MED13L: variants seen among roughly 807,000 people sequenced by gnomAD.
The protein encoded by MED13L is mediator complex subunit 13L.
In MED13L, 7 loss-of-function variants were observed where a neutral mutation model predicts 220.9. The observed-to-expected ratio is 0.03, with a 90% CI of 0.02 to 0.06. The LOEUF (loss-of-function observed/expected upper bound fraction) is 0.06. Ranked by LOEUF, MED13L falls within the 10% of genes least tolerant of loss-of-function variation. The pLI is 1.00. For synonymous variants in MED13L, 1,011 were observed against 1,015.2 expected, an observed-to-expected ratio of 1.00 and a Z score of 0.08; for missense variants, 1,965 against 2,760.5, an observed-to-expected ratio of 0.71 and a Z score of 6.46.
At chr12:116,242,498 A>G (rs1870749394) in intron 1 of MED13L, among the ~76,000 whole-genome samples, 1 of 152,232 alleles carries the variant, frequency 6.6e-6, no homozygotes, top group South Asian at 2.1e-4. Flanking sequence ...ACAATCCTTA[A>G]TTAAATCTAA....
Position 116,219,018 on chromosome 12 carries a change from G to T in MED13L, c.310+18450C>A, listed in dbSNP as rs561891896. Among the ~76,000 whole-genome samples the T allele has an allele frequency of 8.1e-3, 1,240 of 152,274 alleles. 13 individuals are homozygous for T. Among genetic ancestry groups the T allele is most frequent in the Non-Finnish European group, 0.014 (941 of 68,026 alleles). On this transcript the variant is annotated intron_variant, in intron 2 of 30. Coordinates refer to ENST00000281928, the MANE Select transcript of MED13L (RefSeq NM_015335.5). Reference sequence around the variant, plus strand: ...CCCAAAGTGCTGGGATTACAGGTGTGAGCCACCACACCCAGCCTATACCGA... The same window carrying T: ...CCCAAAGTGCTGGGATTACAGGTGTTAGCCACCACACCCAGCCTATACCGA...
chr12:116,015,579 G>C (rs1466735594), intron 7 of MED13L, among the ~76,000 whole-genome samples: 1 of 152,152 alleles, frequency 6.6e-6, no homozygotes, highest in Non-Finnish European at 1.5e-5. Flanking sequence ...ACATGTATTG[G>C]AAACAACTTA....
In MED13L at chr12:115,964,264, GATA is replaced by G. The variant is rs1237970754; in HGVS notation, c.6388-748_6388-746del. On this transcript the variant is annotated intron_variant, in intron 29 of 30. Coordinates refer to ENST00000281928, the MANE Select transcript of MED13L (RefSeq NM_015335.5). ...CTTAATATTATCACCCCATCTGTAG[GATA>G]ATGAGGAAGATAATGCTCCATTATC... Among the ~76,000 whole-genome samples, 6 of 152,106 alleles carry G rather than the reference GATA, an allele frequency of 3.9e-5. No individual in the cohort carries two copies. In the South Asian group the frequency reaches 8.3e-4, roughly 21 times the overall value.
At chr12:116,097,158 T>A (rs1872697837) in intron 3 of MED13L, among the ~76,000 whole-genome samples, 1 of 152,054 alleles carries the variant, frequency 6.6e-6, no homozygotes, top group Admixed American at 6.5e-5. Context: ...CTTTCAAGTT[T>A]TTTTTTTTTG....
intron 14 of MED13L, among the ~76,000 whole-genome samples, chr12:115,999,395 A>G (rs181003193): frequency 3.6e-4 from 55 of 152,274 alleles, no homozygotes; most frequent in Non-Finnish European, 6.8e-4. Context: ...TGTCTCAAAA[A>G]AAAAAAAAGT....
chr12:116,276,939 C>T, intron 1 of MED13L, 121 bp downstream of exon 1: 2 of 1,134,770 alleles, frequency 1.8e-6, no homozygotes, highest in African/African-American at 1.6e-5. Flanking sequence ...AGGCGAACGG[C>T]GGGGAGACGC....
chr12:116,234,041 T>C (rs994781337), intron 2 of MED13L, among the ~76,000 whole-genome samples: 1 of 152,160 alleles, frequency 6.6e-6, no homozygotes, highest in Non-Finnish European at 1.5e-5. Context: ...TGCTTTGGTA[T>C]TACATCTCAC....
chr12:116,082,495 C>G (rs1042674924), intron 4 of MED13L: 1 of 152,114 alleles, frequency 6.6e-6, no homozygotes, highest in Admixed American at 6.5e-5. Context: ...CCTAGGCTGC[C>G]TCCGTTATTA....
intron 4 of MED13L, among the ~76,000 whole-genome samples, chr12:116,072,631 T>C (rs1478294323): frequency 6.6e-6 from 1 of 152,168 alleles, no homozygotes; most frequent in Non-Finnish European, 1.5e-5. Flanking sequence ...TTTGTATTTT[T>C]AGTAGAGACA....
Position 116,277,118 on chromosome 12 carries a change from G to A in MED13L, c.14C>T (p.Ala5Val). 6.9e-6 allele frequency: 11 copies of A among 1,585,318 alleles called. No homozygotes were observed. Among genetic ancestry groups the A allele is most frequent in the Non-Finnish European group, 9.4e-6 (11 of 1,167,614 alleles). The change falls in exon 1 of 31, where the codon GCG becomes GTG. Residue 5 changes from alanine (A) to valine (V), a missense_variant. Physicochemically the swap from Ala to Val is moderately conservative, Grantham distance 64 (BLOSUM62 0). Coordinates refer to ENST00000281928, the MANE Select transcript of MED13L (RefSeq NM_015335.5). Reference protein sequence around the residue: MTAAANWVANGASLE... With the variant: MTAAVNWVANGASLE... ...GCTCGCCCCGTTCGCCACCCAGTTC[G>A]CTGCCGCAGTCATGATCCTCCGCGA...
chr12:116,011,671 C>G (rs1281290580), intron 9 of MED13L, among the ~76,000 whole-genome samples: 1 of 152,140 alleles, frequency 6.6e-6, no homozygotes, highest in Non-Finnish European at 1.5e-5. Context: ...CTACTAACAC[C>G]AGAGAGAGGC....
chr12:116,129,887 C>A (rs1417296036), intron 2 of MED13L, among the ~76,000 whole-genome samples: 3 of 135,164 alleles, frequency 2.2e-5, no homozygotes, highest in African/African-American at 2.8e-5. Context: ...CCAGCCTGGG[C>A]AACAGAGTGA....
In MED13L at chr12:116,038,993, AC is replaced by A. The variant is rs564253503; in HGVS notation, c.480-16393del. Among the ~76,000 whole-genome samples the A allele has an allele frequency of 2.8e-3, 431 of 152,158 alleles. 5 individuals carry two copies. The highest frequency in any genetic ancestry group is 2.6e-3 in the Non-Finnish European group (175 of 67,992). On this transcript the variant is annotated intron_variant, in intron 4 of 30. Transcript: ENST00000281928. ...GAGGCAGGAAAAAGAGAAGGGAAGG[AC>A]CCATGTTCGTATTCTTCCCCCCACA...
At chr12:116,015,981 C>A (rs1879700440) in intron 7 of MED13L, among the ~76,000 whole-genome samples, 1 of 152,086 alleles carries the variant, frequency 6.6e-6, no homozygotes, top group African/African-American at 2.4e-5. Context: ...TAAATATAAT[C>A]TATTTCTTTC....
intron 2 of MED13L, among the ~76,000 whole-genome samples, chr12:116,215,524 T>G (rs958770898): frequency 3.3e-5 from 5 of 152,196 alleles, no homozygotes; most frequent in Non-Finnish European, 5.9e-5. Flanking sequence ...TCTCCTATTG[T>G]GCTAAAATAC....
intron 4 of MED13L, among the ~76,000 whole-genome samples, chr12:116,078,361 A>G (rs1257714743): frequency 6.6e-6 from 1 of 152,170 alleles, no homozygotes; most frequent in East Asian, 1.9e-4. Flanking sequence ...ATTTCTACAT[A>G]ATCATTTCTA....
intron 1 of MED13L, among the ~76,000 whole-genome samples, chr12:116,248,051 G>C (rs1871228581): frequency 1.3e-5 from 2 of 152,174 alleles, no homozygotes; most frequent in African/African-American, 4.8e-5. Context: ...AGAGATGAAA[G>C]ACTAGGCTGG....
At chr12:116,209,421 G>A (rs901394202) in intron 2 of MED13L, among the ~76,000 whole-genome samples, 2 of 152,114 alleles carry the variant, frequency 1.3e-5, no homozygotes, top group African/African-American at 4.8e-5. Flanking sequence ...ACATGTGCTA[G>A]AACATATATC....
chr12:115,985,693 G>A (rs1877641945), intron 19 of MED13L, among the ~76,000 whole-genome samples: 1 of 152,112 alleles, frequency 6.6e-6, no homozygotes, highest in Non-Finnish European at 1.5e-5. Flanking sequence ...TACTAAAGAT[G>A]TAAAATTATC....
Sources: allele counts gnomAD v4.1 joint callset (sites outside exome capture counted in the v4.1 genomes callset), GRCh38; gene constraint gnomAD v4.1.1; transcripts MANE v1.5; gene names NCBI Gene and HGNC (gene_info 2026-07-23, HGNC 2026-07-21).